GLIS3: variants seen among roughly 807,000 people sequenced by gnomAD.
GLIS3 encodes GLIS family zinc finger 3, also known as zinc finger protein GLIS3.
In GLIS3, 53 loss-of-function variants were observed where a neutral mutation model predicts 78.6. The observed-to-expected ratio is 0.67, with a 90% CI of 0.54 to 0.85. The LOEUF (loss-of-function observed/expected upper bound fraction) is 0.85. Ranked by LOEUF, GLIS3 falls within the 40% of genes least tolerant of loss-of-function variation. GLIS3 has a pLI of 0.00. For missense variants in GLIS3, 1,703 were observed against 1,231.1 expected, an observed-to-expected ratio of 1.38 and a Z score of -5.74; for synonymous variants, 684 against 509.9, an observed-to-expected ratio of 1.34 and a Z score of -4.60.
At position 3,960,662 on chromosome 9, in the gene GLIS3, G is replaced by C. The variant is rs1057464281; in HGVS notation, c.1711-23473C>G. Among the ~76,000 whole-genome samples, 4 of 152,116 alleles carry C rather than the reference G, an allele frequency of 2.6e-5. 1 individual carries two copies. The highest frequency in any genetic ancestry group is 5.9e-5 in the Non-Finnish European group (4 of 68,012). On this transcript the variant is annotated intron_variant, in intron 4 of 10. Coordinates refer to ENST00000381971, the MANE Select transcript of GLIS3 (RefSeq NM_001042413.2). ...TAATTGGTAATTATTTATTTTTCAT[G>C]TACTCATATGAACCTACACTTAGTC...
At chr9:4,055,558 C>T (rs1826076338) in intron 4 of GLIS3, among the ~76,000 whole-genome samples, 1 of 152,182 alleles carries the variant, frequency 6.6e-6, no homozygotes, top group African/African-American at 2.4e-5. Context: ...ATCAAACCTC[C>T]TCAGAAGGCT....
At chr9:4,096,341 T>C (rs1269576109) in intron 4 of GLIS3, among the ~76,000 whole-genome samples, 2 of 152,216 alleles carry the variant, frequency 1.3e-5, no homozygotes, top group African/African-American at 4.8e-5. Context: ...CACTCCTACA[T>C]AGTCCAGGAA....
chr9:4,278,542 A>C (rs542494594), intron 2 of GLIS3, among the ~76,000 whole-genome samples: 1 of 152,368 alleles, frequency 6.6e-6, no homozygotes, highest in South Asian at 2.1e-4. Flanking sequence ...AATAATTTAA[A>C]AAAAATCCAT....
At chr9:4,287,555 C>A (rs967419610) in intron 1 of GLIS3, among the ~76,000 whole-genome samples, 4 of 152,178 alleles carry the variant, frequency 2.6e-5, no homozygotes, top group African/African-American at 9.7e-5. Flanking sequence ...CACAATCTGT[C>A]TTTCAGAGAT....
chr9:4,065,359 A>G (rs1188961823), intron 4 of GLIS3, among the ~76,000 whole-genome samples: 1 of 152,212 alleles, frequency 6.6e-6, no homozygotes, highest in African/African-American at 2.4e-5. Context: ...AAGTACTATA[A>G]TATTTGTTTT....
intron 4 of GLIS3, among the ~76,000 whole-genome samples, chr9:4,055,565 G>A (rs544230743): frequency 3.3e-5 from 5 of 152,178 alleles, no homozygotes; most frequent in Non-Finnish European, 5.9e-5. Context: ...CTCCTCAGAA[G>A]GCTTGCAGGA....
chr9:3,998,166 G>A (rs1290179668), intron 4 of GLIS3, among the ~76,000 whole-genome samples: 1 of 152,072 alleles, frequency 6.6e-6, no homozygotes, highest in Non-Finnish European at 1.5e-5. Flanking sequence ...CCAAAAAGAT[G>A]ATCTAGACTC....
chr9:4,406,744 G>T, the GLIS3 span, among the ~76,000 whole-genome samples: 4 of 152,030 alleles, frequency 2.6e-5, no homozygotes, highest in African/African-American at 9.7e-5. Flanking sequence ...AACCAAATAC[G>T]TGAAAGATCT....
chr9:3,952,208 T>A (rs912710275), intron 4 of GLIS3, among the ~76,000 whole-genome samples: 8 of 152,128 alleles, frequency 5.3e-5, no homozygotes, highest in African/African-American at 1.4e-4. Context: ...AAAAATAAAA[T>A]CATATGGCCA....
intron 4 of GLIS3, among the ~76,000 whole-genome samples, chr9:3,965,601 A>T (rs73386190): frequency 0.032 from 4,835 of 152,306 alleles, 256 homozygotes; most frequent in African/African-American, 0.11. Context: ...ATTTGTAGGA[A>T]GGTTTAAACC....
chr9:4,055,420 C>T (rs1475766932), intron 4 of GLIS3, among the ~76,000 whole-genome samples: 1 of 152,102 alleles, frequency 6.6e-6, no homozygotes, highest in Non-Finnish European at 1.5e-5. Context: ...GAACTCTTTC[C>T]ATATGCCAAG....
At chr9:4,237,615 C>A (rs1206088100) in intron 2 of GLIS3, among the ~76,000 whole-genome samples, 2 of 152,174 alleles carry the variant, frequency 1.3e-5, no homozygotes, top group African/African-American at 4.8e-5. Flanking sequence ...ATTCTGTTAC[C>A]ATTTTTACCC....
chr9:4,033,463 T>C (rs1824022567), intron 4 of GLIS3, among the ~76,000 whole-genome samples: 1 of 152,098 alleles, frequency 6.6e-6, no homozygotes, highest in African/African-American at 2.4e-5. Flanking sequence ...AAGCACAGGC[T>C]TTAAGTAGGT....
At chr9:4,329,101 C>A (rs959989299) in intron 2 of GLIS3, among the ~76,000 whole-genome samples, 3 of 152,170 alleles carry the variant, frequency 2.0e-5, no homozygotes, top group Non-Finnish European at 4.4e-5. Context: ...AGACCTTTTT[C>A]AATCCACCAA....
At chr9:3,830,440 A>G (rs1817979029) in intron 9 of GLIS3, among the ~76,000 whole-genome samples, 1 of 152,174 alleles carries the variant, frequency 6.6e-6, no homozygotes, top group South Asian at 2.1e-4. Context: ...AACTCTCTAC[A>G]TTTCCTTGTG....
chr9:4,464,173 T>C, the GLIS3 span, among the ~76,000 whole-genome samples: 4 of 152,200 alleles, frequency 2.6e-5, no homozygotes, highest in East Asian at 1.9e-4. Flanking sequence ...TCAGCTTATG[T>C]AGACTTTAAA....
intron 2 of GLIS3, among the ~76,000 whole-genome samples, chr9:4,184,466 A>C (rs188395892): frequency 3.9e-5 from 6 of 152,340 alleles, no homozygotes; most frequent in African/African-American, 1.4e-4. Flanking sequence ...TGTTGGGCAA[A>C]TACTTGGATA....
intron 2 of GLIS3, among the ~76,000 whole-genome samples, chr9:4,130,300 C>T (rs1187697299): frequency 6.6e-6 from 1 of 152,210 alleles, no homozygotes; most frequent in African/African-American, 2.4e-5. Context: ...AAGCAGGCTG[C>T]AGAAATTTGC....
intron 4 of GLIS3, among the ~76,000 whole-genome samples, chr9:4,091,200 T>A (rs186540888): frequency 1.3e-4 from 20 of 152,046 alleles, no homozygotes; most frequent in Non-Finnish European, 2.4e-4. Context: ...ACAAAAATAA[T>A]TTTTAAAATG....
Sources: gnomAD v4.1 joint callset for allele counts (sites outside exome capture counted in the v4.1 genomes callset) on GRCh38, gnomAD v4.1.1 for gene constraint, MANE v1.5 for transcripts, NCBI Gene and HGNC (gene_info 2026-07-23, HGNC 2026-07-21) for gene names.